The following LRRC37A2 variants were observed in gnomAD, a reference collection of about 807,000 sequenced individuals.
LRRC37A2 encodes leucine rich repeat containing 37 member A2.
A neutral mutation model predicts 68.8 loss-of-function variants in LRRC37A2; 9 were observed. The ratio of observed to expected loss-of-function variants is 0.13; its 90% CI spans 0.08 to 0.23. The LOEUF (loss-of-function observed/expected upper bound fraction) is 0.23. Among genes scored for constraint, LRRC37A2 ranks in the 10% least tolerant of loss-of-function variants. The probability of loss-of-function intolerance (pLI) is 1.00; values close to 1 mark genes in which losing one functional copy is unlikely to be tolerated. For missense variants in LRRC37A2, 168 were observed against 950.4 expected, an observed-to-expected ratio of 0.18 and a Z score of 10.82; for synonymous variants, 63 against 367.6, an observed-to-expected ratio of 0.17 and a Z score of 9.48.
chr17:46,440,499 C>T, the LRRC37A2 span, among the ~76,000 whole-genome samples: 23 of 20,432 alleles, frequency 1.1e-3, 3 homozygotes, highest in Middle Eastern at 0.062. Context: ...TAGAGTTTTG[C>T]TCTGTTACCC....
chr17:46,927,250 G>A, the LRRC37A2 span, among the ~76,000 whole-genome samples: 1 of 151,770 alleles, frequency 6.6e-6, no homozygotes, highest in Non-Finnish European at 1.5e-5. Flanking sequence ...GTATTGATTT[G>A]TAACAATTCT....
chr17:46,848,971 G>T, the LRRC37A2 span, among the ~76,000 whole-genome samples: 1 of 151,890 alleles, frequency 6.6e-6, no homozygotes, highest in Admixed American at 6.6e-5. Context: ...CACAGGAGCT[G>T]CTGTGGAATT....
At chr17:46,784,776 T>G in the LRRC37A2 span, among the ~76,000 whole-genome samples, 4 of 91,606 alleles carry the variant, frequency 4.4e-5, no homozygotes, top group Non-Finnish European at 8.6e-5. Context: ...TTTTTGCTTT[T>G]CTTTTTTTTT....
chr17:46,649,415 G>A, the LRRC37A2 span, among the ~76,000 whole-genome samples: 1 of 151,920 alleles, frequency 6.6e-6, no homozygotes, highest in African/African-American at 2.4e-5. Context: ...AAGAGTGGGA[G>A]CAGAGCGAGC....
At chr17:46,794,845 GGTTCA>G in the LRRC37A2 span, among the ~76,000 whole-genome samples, 5 of 151,228 alleles carry the variant, frequency 3.3e-5, no homozygotes, top group Non-Finnish European at 5.9e-5. Flanking sequence ...GCACCTCCCA[GGTTCA>G]AGTGATTCTC....
chr17:46,910,694 G>A, the LRRC37A2 span, among the ~76,000 whole-genome samples: 1 of 152,256 alleles, frequency 6.6e-6, no homozygotes, highest in Non-Finnish European at 1.5e-5. Flanking sequence ...CACAGGCTGA[G>A]TGGTCGGGAA....
At chr17:46,823,102 TAAACAC>T in the LRRC37A2 span, among the ~76,000 whole-genome samples, 9 of 132,274 alleles carry the variant, frequency 6.8e-5, no homozygotes, top group South Asian at 6.7e-4. Flanking sequence ...TATTATATAA[TAAACAC>T]ATATATTATA....
At chr17:46,758,345 C>G in the LRRC37A2 span, among the ~76,000 whole-genome samples, 5 of 152,184 alleles carry the variant, frequency 3.3e-5, no homozygotes, top group African/African-American at 1.2e-4. Flanking sequence ...ACCCTGAGGC[C>G]GACCTGGTCC....
In LRRC37A2 at chr17:46,548,061, A is replaced by C; in HGVS notation, c.3173-251A>C. 5 of 86,076 alleles carry C rather than the reference A, an allele frequency of 5.8e-5. No individual in the cohort carries two copies. The African/African-American group carries it at 1.8e-3, about 31-fold the overall frequency. The allele number at this position is 86,076 out of a possible 1,614,324, so 5.3% of individuals were successfully genotyped here. ...TTGGCCTCTGGGGATCAACGAAATAATCCTAAACAGAGTTACTCTATGTCA... is the reference window on the plus strand; with the variant it reads ...TTGGCCTCTGGGGATCAACGAAATACTCCTAAACAGAGTTACTCTATGTCA... On this transcript the variant is annotated intron_variant, in intron 9 of 14. Coordinates refer to ENST00000576629, the Ensembl canonical transcript of LRRC37A2.
At chr17:46,794,123 G>A in the LRRC37A2 span, among the ~76,000 whole-genome samples, 1 of 152,220 alleles carries the variant, frequency 6.6e-6, no homozygotes, top group Non-Finnish European at 1.5e-5. Context: ...TGGTGGGAGG[G>A]GCGTGGGGGA....
the LRRC37A2 span, among the ~76,000 whole-genome samples, chr17:47,020,498 G>A: frequency 9.9e-5 from 15 of 151,216 alleles, no homozygotes; most frequent in African/African-American, 3.7e-4. Context: ...GGAGGGAAGA[G>A]GCTGGGTGTG....
the LRRC37A2 span, among the ~76,000 whole-genome samples, chr17:46,916,986 T>C: frequency 6.6e-6 from 1 of 152,160 alleles, no homozygotes; most frequent in Non-Finnish European, 1.5e-5. Context: ...TGTGACCCAA[T>C]TGCCTCCCAA....
the LRRC37A2 span, among the ~76,000 whole-genome samples, chr17:46,738,282 A>G: frequency 6.6e-6 from 1 of 152,286 alleles, no homozygotes; most frequent in East Asian, 1.9e-4. Context: ...ATTTGAGGAT[A>G]TGTTCTGTGT....
At chr17:46,985,958 T>C in the LRRC37A2 span, among the ~76,000 whole-genome samples, 106,489 of 152,120 alleles carry the variant, frequency 0.7, 37,900 homozygotes, top group Middle Eastern at 0.78. Flanking sequence ...TCTGGTACCC[T>C]AATCTGTAAA....
chr17:46,709,266 TAAC>T, the LRRC37A2 span, among the ~76,000 whole-genome samples: 5 of 152,164 alleles, frequency 3.3e-5, no homozygotes, highest in East Asian at 1.9e-4. Flanking sequence ...AAGATTTTTT[TAAC>T]AACAAGTAAT....
At chr17:46,715,257 C>T in the LRRC37A2 span, among the ~76,000 whole-genome samples, 1 of 152,148 alleles carries the variant, frequency 6.6e-6, no homozygotes, top group Admixed American at 6.5e-5. Context: ...GAGGTGAAAC[C>T]AATAGTATCT....
chr17:47,049,119 C>G, the LRRC37A2 span: 5 of 1,069,570 alleles, frequency 4.7e-6, no homozygotes, highest in East Asian at 1.2e-4. Context: ...GACTCCTACT[C>G]TGTGTGACTG....
chr17:46,851,066 C>T, the LRRC37A2 span, among the ~76,000 whole-genome samples: 1 of 152,234 alleles, frequency 6.6e-6, no homozygotes, highest in Non-Finnish European at 1.5e-5. This position sits in a 1 kb window ranked among gnomAD's most constrained non-coding sequence, Gnocchi z 4.3. Flanking sequence ...CCCCCGCTTC[C>T]AGAGAGCGGT....
At chr17:46,952,438 A>G in the LRRC37A2 span, among the ~76,000 whole-genome samples, 1 of 152,214 alleles carries the variant, frequency 6.6e-6, no homozygotes, top group South Asian at 2.1e-4. Context: ...CACTAGCTAC[A>G]CGCCACTTTT....
Sources: allele counts gnomAD v4.1 joint callset (sites outside exome capture counted in the v4.1 genomes callset), GRCh38; gene constraint gnomAD v4.1.1; non-coding constraint Gnocchi (gnomAD v3.1); transcripts MANE v1.5; gene names NCBI Gene and HGNC (gene_info 2026-07-23, HGNC 2026-07-21).